SGCZ: variants seen among roughly 807,000 people sequenced by gnomAD.
SGCZ encodes sarcoglycan zeta.
Under a neutral mutation model 41.3 loss-of-function variants are expected in SGCZ, and 40 were observed. The ratio of observed to expected loss-of-function variants is 0.97; its 90% CI spans 0.75 to 1.26. The LOEUF is 1.26. SGCZ is among the 50% of genes most tolerant of loss of function. The pLI, the probability that SGCZ is intolerant of heterozygous loss-of-function variation, is 0.00. For synonymous variants in SGCZ, 206 were observed against 137.5 expected (o/e 1.50, Z -3.49); for missense variants, 552 against 369.8 (o/e 1.49, Z -4.04).
intron 1 of SGCZ, among the ~76,000 whole-genome samples, chr8:14,618,841 A>G (rs1043258003): frequency 6.6e-6 from 1 of 152,200 alleles, no homozygotes; most frequent in South Asian, 2.1e-4. Flanking sequence ...ATGGGGAGTA[A>G]GCAGAAAAAG....
intron 4 of SGCZ, among the ~76,000 whole-genome samples, chr8:14,210,823 A>AT (rs1413195717): frequency 2.6e-5 from 4 of 152,162 alleles, no homozygotes; most frequent in Non-Finnish European, 4.4e-5. Context: ...TTTGCCAAAG[A>AT]TTGTTCTTTA....
At chr8:14,412,792 A>G (rs1472377247) in intron 2 of SGCZ, among the ~76,000 whole-genome samples, 1 of 152,088 alleles carries the variant, frequency 6.6e-6, no homozygotes, top group Middle Eastern at 3.2e-3. Flanking sequence ...AGCAGCAACT[A>G]TAAGGATGGC....
At chr8:15,011,920 A>G (rs1047105024) in intron 1 of SGCZ, among the ~76,000 whole-genome samples, 3 of 152,176 alleles carry the variant, frequency 2.0e-5, no homozygotes, top group Non-Finnish European at 4.4e-5. Flanking sequence ...TGGTGCTTAT[A>G]AGTACAAATA....
In SGCZ at chr8:14,381,024, C is replaced by G. The variant is rs1446946493; in HGVS notation, c.235-56820G>C. On this transcript the variant is annotated intron_variant, in intron 2 of 7. Transcript: ENST00000382080. Reference sequence around the variant, plus strand: ...TCCTGCACATACAGTTATTTCCACCCTTAACTAGGGTCAATTTCTGACTCA... The same window carrying G: ...TCCTGCACATACAGTTATTTCCACCGTTAACTAGGGTCAATTTCTGACTCA... Among the ~76,000 whole-genome samples the G allele has an allele frequency of 2.6e-5, 4 of 152,108 alleles. No individual in the cohort carries two copies. In the East Asian group the frequency reaches 7.7e-4, roughly 29 times the overall value.
chr8:14,425,019 C>T (rs891903829), intron 2 of SGCZ, among the ~76,000 whole-genome samples: 1 of 152,078 alleles, frequency 6.6e-6, no homozygotes, highest in African/African-American at 2.4e-5. Flanking sequence ...CGTTATTGAG[C>T]TTGAAATATA....
intron 2 of SGCZ, among the ~76,000 whole-genome samples, chr8:14,465,550 T>A (rs1196335084): frequency 6.6e-6 from 1 of 151,834 alleles, no homozygotes; most frequent in Non-Finnish European, 1.5e-5. Context: ...TTCTTTTCTA[T>A]ATGCCTTGTA....
chr8:14,431,776 C>G (rs1799948974), intron 2 of SGCZ, among the ~76,000 whole-genome samples: 1 of 152,150 alleles, frequency 6.6e-6, no homozygotes, highest in Non-Finnish European at 1.5e-5. Flanking sequence ...TCTTCACAAT[C>G]TATACATCTG....
chr8:14,229,658 AAAAAAG>A (rs1357880774), intron 4 of SGCZ, among the ~76,000 whole-genome samples: 1 of 151,998 alleles, frequency 6.6e-6, no homozygotes, highest in Non-Finnish European at 1.5e-5. Flanking sequence ...GTTAAAAAAA[AAAAAAG>A]AGTCAATTAA....
At chr8:14,539,523 G>A (rs188919674) in intron 2 of SGCZ, among the ~76,000 whole-genome samples, 146 of 151,890 alleles carry the variant, frequency 9.6e-4, no homozygotes, top group African/African-American at 3.3e-3. Context: ...TTGTTTGTTT[G>A]TTCGTTTTTC....
chr8:14,541,469 G>A (rs1217172880), intron 2 of SGCZ, among the ~76,000 whole-genome samples: 1 of 152,062 alleles, frequency 6.6e-6, no homozygotes, highest in Admixed American at 6.6e-5. Flanking sequence ...CAAAGGACAT[G>A]AACTCATTCT....
chr8:14,244,773 C>T (rs1360412216), intron 3 of SGCZ, among the ~76,000 whole-genome samples: 2 of 151,982 alleles, frequency 1.3e-5, no homozygotes, highest in African/African-American at 2.4e-5. Flanking sequence ...TGTCATTGAT[C>T]AGTGGTTTGT....
chr8:14,907,966 T>C (rs191353193), intron 1 of SGCZ, among the ~76,000 whole-genome samples: 39 of 152,322 alleles, frequency 2.6e-4, no homozygotes, highest in Non-Finnish European at 5.3e-4. Context: ...AAGGGCAGTC[T>C]GAACAAGGAA....
intron 4 of SGCZ, among the ~76,000 whole-genome samples, chr8:14,218,041 T>C (rs1420673605): frequency 6.6e-6 from 1 of 152,122 alleles, no homozygotes; most frequent in African/African-American, 2.4e-5. Context: ...GGTAAAATAT[T>C]GAAAAATTTC....
At position 14,088,389 on chromosome 8, in the gene SGCZ, G is replaced by A. The variant is rs549203412; in HGVS notation, c.*2054C>T. Among the ~76,000 whole-genome samples the A allele has an allele frequency of 2.0e-3, 310 of 151,820 alleles. 1 individual carries two copies. The highest frequency in any genetic ancestry group is 6.9e-3 in the African/African-American group (285 of 41,490). ...TTAGAAAGTTTCTAATTGTTTTAAT[G>A]GAAGGATGATTAGAACTTGAATATG... On this transcript the variant is annotated 3_prime_UTR_variant, in exon 8 of 8. Transcript: ENST00000382080.
rs1803828752 is a variant in SGCZ at position 14,551,502 on chromosome 8, ATATATTATATATATT to A, written c.234+3215_234+3229del. Among the ~76,000 whole-genome samples, 2 of 6,068 alleles carry A rather than the reference ATATATTATATATATT, an allele frequency of 3.3e-4. 1 individual carries two copies. The highest frequency in any genetic ancestry group is 1.6e-3 in the African/African-American group (2 of 1,226). The allele number at this position is 6,068 out of a possible 152,430, so 4.0% of individuals were successfully genotyped here. On this transcript the variant is annotated intron_variant, in intron 2 of 7. Coordinates refer to ENST00000382080, the MANE Select transcript of SGCZ (RefSeq NM_139167.4). ...ATATTATATATATTATATATATTAT[ATATATTATATATATT>A]ATATATAATATATATAATATATATA...
At position 14,951,065 on chromosome 8, in the gene SGCZ, C is replaced by T. The variant is rs1290369680; in HGVS notation, c.39+286520G>A. Among the ~76,000 whole-genome samples the T allele has an allele frequency of 2.0e-5, 3 of 151,920 alleles. No homozygotes were observed. In the East Asian group the frequency reaches 5.8e-4, roughly 29 times the overall value. On this transcript the variant is annotated intron_variant, in intron 1 of 7. Transcript: ENST00000382080. Reference sequence around the variant, plus strand: ...TGGAGAAAATAACATGAAGGAGCCACATTATTTTTAAAATCTGGTTGTTAT... The same window carrying T: ...TGGAGAAAATAACATGAAGGAGCCATATTATTTTTAAAATCTGGTTGTTAT...
At chr8:15,080,813 C>T (rs1342486719) in intron 1 of SGCZ, among the ~76,000 whole-genome samples, 3 of 152,002 alleles carry the variant, frequency 2.0e-5, no homozygotes, top group Non-Finnish European at 4.4e-5. Context: ...AGGCTGGTCT[C>T]GACCTCTTGA....
chr8:14,844,464 G>A (rs546295365), intron 1 of SGCZ, among the ~76,000 whole-genome samples: 11 of 152,194 alleles, frequency 7.2e-5, no homozygotes, highest in South Asian at 4.2e-4. Context: ...ACGTGACTTC[G>A]GGAAATAGCT....
intron 1 of SGCZ, among the ~76,000 whole-genome samples, chr8:14,841,695 G>A (rs990025222): frequency 1.3e-5 from 2 of 152,158 alleles, no homozygotes; most frequent in Non-Finnish European, 2.9e-5. Flanking sequence ...ATACTAAATG[G>A]AATTACTGTC....
Sources: gnomAD v4.1 joint callset for allele counts (sites outside exome capture counted in the v4.1 genomes callset) on GRCh38, gnomAD v4.1.1 for gene constraint, MANE v1.5 for transcripts, NCBI Gene and HGNC (gene_info 2026-07-23, HGNC 2026-07-21) for gene names.